STK32C: variants seen among roughly 807,000 people sequenced by gnomAD.
STK32C encodes the protein serine/threonine kinase 32C, also known as serine/threonine-protein kinase 32C.
A neutral mutation model predicts 56.5 loss-of-function variants in STK32C; 31 were observed. That is an observed-to-expected ratio of 0.55 (90% confidence interval 0.41 to 0.74). The LOEUF is 0.74. Ranked by LOEUF, STK32C falls within the 30% of genes least tolerant of loss-of-function variation. STK32C has a pLI of 0.00. For synonymous variants in STK32C, 309 were observed against 289.4 expected (o/e 1.07, Z -0.69); for missense variants, 544 against 676.9 (o/e 0.80, Z 2.18).
intron 1 of STK32C, among the ~76,000 whole-genome samples, chr10:132,293,248 C>T (rs1389637761): frequency 1.3e-5 from 2 of 152,236 alleles, no homozygotes; most frequent in African/African-American, 4.8e-5. Flanking sequence ...ACGGTCCCTC[C>T]ACCCAGGCCT....
chr10:132,228,730 G>T (rs545369971), intron 2 of STK32C, among the ~76,000 whole-genome samples: 1 of 152,326 alleles, frequency 6.6e-6, no homozygotes, highest in South Asian at 2.1e-4. Context: ...ACAGAGCCCT[G>T]CGCTCAGGAA....
intron 1 of STK32C, among the ~76,000 whole-genome samples, chr10:132,273,522 G>C (rs2064896853): frequency 6.6e-6 from 1 of 152,026 alleles, no homozygotes; most frequent in South Asian, 2.1e-4. Flanking sequence ...GTTAGTGAAT[G>C]GGGAGTTAGC....
At chr10:132,237,201 C>G (rs2063325682) in intron 2 of STK32C, among the ~76,000 whole-genome samples, 1 of 152,030 alleles carries the variant, frequency 6.6e-6, no homozygotes, top group Non-Finnish European at 1.5e-5. Flanking sequence ...ACTGTGCTCC[C>G]TGGACTGTGC....
chr10:132,271,064 G>A (rs1249609150), intron 1 of STK32C, among the ~76,000 whole-genome samples: 2 of 152,128 alleles, frequency 1.3e-5, no homozygotes, highest in Admixed American at 6.5e-5. Context: ...CAAGGAGGGT[G>A]GCACCCCCAA....
chr10:132,245,569 C>T (rs993598309), intron 2 of STK32C, among the ~76,000 whole-genome samples: 12 of 152,248 alleles, frequency 7.9e-5, no homozygotes, highest in Non-Finnish European at 5.9e-5. Context: ...ACCCACCCTC[C>T]GTCCTGTCCC....
chr10:132,316,571 G>T (rs2066314602), intron 1 of STK32C, among the ~76,000 whole-genome samples: 1 of 152,116 alleles, frequency 6.6e-6, no homozygotes, highest in African/African-American at 2.4e-5. Context: ...GTGAACCATG[G>T]TCGTACCACT....
chr10:132,331,870 T>TGCGC (rs1452187031), upstream of STK32C: 18 of 1,299,336 alleles, frequency 1.4e-5, no homozygotes, highest in South Asian at 4.2e-5. Context: ...GCCGCGTGCG[T>TGCGC]GCGCAGGCGC....
intron 1 of STK32C, among the ~76,000 whole-genome samples, chr10:132,285,758 T>C (rs897421453): frequency 1.3e-5 from 2 of 152,134 alleles, no homozygotes; most frequent in Non-Finnish European, 1.5e-5. Context: ...TTCCCCTCTA[T>C]TATAGACAAG....
At chr10:132,216,410 C>T (rs1435595908) in intron 10 of STK32C, among the ~76,000 whole-genome samples, 1 of 143,342 alleles carries the variant, frequency 7.0e-6, no homozygotes, top group Non-Finnish European at 1.5e-5. Flanking sequence ...GTTGCAGTGG[C>T]AATGAGCCGC....
chr10:132,245,488 G>A (rs932474434), intron 2 of STK32C, among the ~76,000 whole-genome samples: 3 of 152,248 alleles, frequency 2.0e-5, no homozygotes, highest in Non-Finnish European at 4.4e-5. Context: ...GACAGCAGCA[G>A]GGCACTCTGG....
At chr10:132,208,265 G>T in intron 11 of STK32C, 114 bp from the exon 12 acceptor site, 1 of 1,199,130 alleles carries the variant, frequency 8.3e-7, no homozygotes. Flanking sequence ...CCCAAACGTG[G>T]GCCACAGGCT....
chr10:132,292,106 G>T (rs866711708), intron 1 of STK32C, among the ~76,000 whole-genome samples: 16 of 152,250 alleles, frequency 1.1e-4, no homozygotes, highest in Middle Eastern at 6.8e-3. Context: ...AGTCAGCACT[G>T]GGCCTCAACA....
chr10:132,288,983 A>C (rs889658085), intron 1 of STK32C, among the ~76,000 whole-genome samples: 3 of 152,248 alleles, frequency 2.0e-5, no homozygotes, highest in African/African-American at 7.2e-5. Flanking sequence ...GGAAATACAG[A>C]GGATCCACAA....
chr10:132,269,247 G>A (rs542291105), intron 1 of STK32C, among the ~76,000 whole-genome samples: 5 of 144,444 alleles, frequency 3.5e-5, no homozygotes, highest in Admixed American at 2.7e-4. Flanking sequence ...CTGTGTCTCC[G>A]TGCATGTGTG....
chr10:132,312,241 TC>T (rs1274705951), upstream of STK32C, among the ~76,000 whole-genome samples: 1 of 151,980 alleles, frequency 6.6e-6, no homozygotes, highest in Admixed American at 6.6e-5. Flanking sequence ...ACTTTGGGGC[TC>T]AAGAAATCCA....
intron 1 of STK32C, 24 bp from the exon 2 acceptor site, chr10:132,245,979 C>A: frequency 6.2e-7 from 1 of 1,612,882 alleles, no homozygotes; most frequent in Non-Finnish European, 8.5e-7. Context: ...CAGAGGGACA[C>A]CTGGTGAGGT....
rs1057096923 is a variant in STK32C at position 132,255,022 on chromosome 10, T to G, written c.263-9067A>C. Among the ~76,000 whole-genome samples, 2 of 151,880 alleles carry G rather than the reference T, an allele frequency of 1.3e-5. No individual in the cohort carries two copies. Among genetic ancestry groups the G allele is most frequent in the Non-Finnish European group, 1.5e-5 (1 of 67,964 alleles). ...AAGAGGCCCCCACGTCCAAGTGTCC[T>G]CAGGCAGAACCAGCCCGTTCACCAA... On this transcript the variant is annotated intron_variant, in intron 1 of 11. Transcript: ENST00000298630. The surrounding 1 kb of genome is among the most constrained non-coding windows in gnomAD (Gnocchi z 4.6).
At chr10:132,331,861 C>A, upstream of STK32C, 7 of 1,380,500 alleles carry the variant, frequency 5.1e-6, no homozygotes, top group Admixed American at 2.1e-5. Context: ...CTACCGTTGG[C>A]CGCGTGCGTG....
chr10:132,294,558 A>T (rs1355589991), intron 1 of STK32C, among the ~76,000 whole-genome samples: 5 of 152,154 alleles, frequency 3.3e-5, no homozygotes, highest in African/African-American at 1.2e-4. Flanking sequence ...ACAGCCACAC[A>T]CCAAACGCCA....
Sources: gnomAD v4.1 joint callset for allele counts (sites outside exome capture counted in the v4.1 genomes callset) on GRCh38, gnomAD v4.1.1 for gene constraint, Gnocchi (gnomAD v3.1) non-coding constraint, MANE v1.5 for transcripts, NCBI Gene and HGNC (gene_info 2026-07-23, HGNC 2026-07-21) for gene names.